KDM1A: variants seen among roughly 807,000 people sequenced by gnomAD.
KDM1A encodes the protein lysine-specific histone demethylase 1A.
A neutral mutation model predicts 109.4 loss-of-function variants in KDM1A; 49 were observed. That is an observed-to-expected ratio of 0.45 (90% CI 0.36 to 0.57). The LOEUF (loss-of-function observed/expected upper bound fraction) is 0.57. KDM1A is among the 20% of genes least tolerant of loss of function. The probability of loss-of-function intolerance (pLI) is 0.00; values close to 1 mark genes in which losing one functional copy is unlikely to be tolerated. For synonymous variants in KDM1A, 380 were observed against 415.4 expected (o/e 0.91, Z 1.04); for missense variants, 668 against 1,116.6 (o/e 0.60, Z 5.73).
At position 23,020,033 on chromosome 1, in the gene KDM1A, C is replaced by A. The variant is rs551053859; in HGVS notation, c.351+86C>A. 1.0e-4 allele frequency: 136 copies of A among 1,345,674 alleles called. 1 individual carries two copies. The South Asian group carries it at 2.1e-3, about 21-fold the overall frequency. 83.4% of individuals were successfully genotyped at this position (1,345,674 alleles called of 1,614,324 possible). On this transcript the variant is annotated intron_variant, in intron 1 of 20. Transcript: ENST00000400181. The stretch of plus-strand genomic sequence containing the variant: ...CCGCCCTCCCCCGCCGCCGCCGGGT[C>A]TTGGGCCCTGCGACCACTCAGACCT...
chr1:23,057,780 A>T, intron 8 of KDM1A: 1 of 280,888 alleles, frequency 3.6e-6, no homozygotes, highest in East Asian at 7.3e-5. Flanking sequence ...GAAGATAAGT[A>T]GATAATGTTG....
At position 23,042,447 on chromosome 1, in the gene KDM1A, T is replaced by A. The variant is rs1382895471; in HGVS notation, c.518-1980T>A. Among the ~76,000 whole-genome samples the A allele has an allele frequency of 7.9e-4, 78 of 99,248 alleles. 2 individuals are homozygous for A. The highest frequency in any genetic ancestry group is 1.1e-3 in the South Asian group (3 of 2,636). The allele number at this position is 99,248 out of a possible 152,430, so 65.1% of individuals were successfully genotyped here. ...AAATCTATGAAATATATTATTTTTT[T>A]TTTTTTTTTTTTTTTTTTTTTTTGA... On this transcript the variant is annotated intron_variant, in intron 2 of 20. Transcript: ENST00000400181.
chr1:23,035,156 T>C (rs1390340164), intron 2 of KDM1A, among the ~76,000 whole-genome samples: 1 of 152,218 alleles, frequency 6.6e-6, no homozygotes, highest in East Asian at 1.9e-4. Context: ...ATGTGGTAAT[T>C]TTAAAAGTTT....
intron 1 of KDM1A, among the ~76,000 whole-genome samples, chr1:23,026,544 C>A (rs1641811162): frequency 6.6e-6 from 1 of 151,826 alleles, no homozygotes. Context: ...ATGTGCACCA[C>A]CACCCACAGC....
In KDM1A at chr1:23,019,495, C is replaced by G. The variant is rs993281831; in HGVS notation, c.-102C>G. 2 of 1,293,218 alleles carry G rather than the reference C, an allele frequency of 1.5e-6. No homozygotes were observed. The highest frequency in any genetic ancestry group is 3.1e-5 in the African/African-American group (2 of 65,510). The allele number at this position is 1,293,218 out of a possible 1,614,324, so 80.1% of individuals were successfully genotyped here. ...CGCGTGCGTACGCGACGGCGGTTGGCGGCGCGCGGGCAGCGTGAAGCGAGG... is the reference window on the plus strand; with the variant it reads ...CGCGTGCGTACGCGACGGCGGTTGGGGGCGCGCGGGCAGCGTGAAGCGAGG... On this transcript the variant is annotated 5_prime_UTR_variant, in exon 1 of 21. Transcript: ENST00000400181.
intron 1 of KDM1A, among the ~76,000 whole-genome samples, chr1:23,026,394 G>GTTTTT (rs754619806): frequency 1.6e-5 from 1 of 61,528 alleles, no homozygotes; most frequent in African/African-American, 4.3e-5. Context: ...TTGTCTGTTT[G>GTTTTT]TTTTTTTTTT....
rs140786364 is a variant in KDM1A at position 23,073,731 on chromosome 1, A to G, written c.1734+328A>G. Among the ~76,000 whole-genome samples the G allele has an allele frequency of 2.7e-3, 407 of 152,354 alleles. 4 individuals carry two copies. The highest frequency in any genetic ancestry group is 9.1e-3 in the African/African-American group (377 of 41,582). On this transcript the variant is annotated intron_variant, in intron 15 of 20. Coordinates refer to ENST00000400181, the MANE Select transcript of KDM1A (RefSeq NM_001009999.3). Reference sequence around the variant, plus strand: ...AATTTTGTTTATTCTACAGTTTCATATAAAGTGAATCATACAGTACATAGC... The same window carrying G: ...AATTTTGTTTATTCTACAGTTTCATGTAAAGTGAATCATACAGTACATAGC...
At chr1:23,081,896 C>A in intron 19 of KDM1A, 1 of 416,494 alleles carries the variant, frequency 2.4e-6, no homozygotes, top group Non-Finnish European at 4.3e-6. Context: ...GGTACTTTTT[C>A]GTGTTCTTTG....
intron 3 of KDM1A, 79 bp from the exon 4 acceptor site, chr1:23,050,308 C>T: frequency 6.9e-7 from 1 of 1,439,342 alleles, no homozygotes; most frequent in Non-Finnish European, 9.2e-7. Flanking sequence ...GTGAGTGAGG[C>T]AAAGGAATTT....
At chr1:23,050,750 G>A (rs1642645020) in intron 4 of KDM1A, among the ~76,000 whole-genome samples, 1 of 151,468 alleles carries the variant, frequency 6.6e-6, no homozygotes, top group South Asian at 2.1e-4. Flanking sequence ...CATTCTTTTG[G>A]ATCCCTTTTA....
intron 9 of KDM1A, among the ~76,000 whole-genome samples, chr1:23,065,184 A>G (rs1643128078): frequency 6.6e-6 from 1 of 152,178 alleles, no homozygotes; most frequent in Non-Finnish European, 1.5e-5. Context: ...TTTCAATTCC[A>G]TTTTGTTGTT....
intron 1 of KDM1A, among the ~76,000 whole-genome samples, chr1:23,028,475 A>G (rs569640611): frequency 3.8e-4 from 58 of 152,372 alleles, no homozygotes; most frequent in Non-Finnish European, 7.3e-4. Context: ...GAACTACAAT[A>G]GAAAAGATTT....
At chr1:23,029,670 C>T (rs1641917371) in intron 1 of KDM1A, among the ~76,000 whole-genome samples, 1 of 152,058 alleles carries the variant, frequency 6.6e-6, no homozygotes, top group East Asian at 1.9e-4. Context: ...GATGGAGTCT[C>T]ACTCTGTTGC....
Position 23,019,659 on chromosome 1 carries a change from G to A in KDM1A, c.63G>A (p.Thr21=), listed in dbSNP as rs1284520374. 3 of 1,403,440 alleles carry A rather than the reference G, an allele frequency of 2.1e-6. No homozygotes were observed. The East Asian group carries it at 9.0e-5, about 42-fold the overall frequency. The allele number at this position is 1,403,440 out of a possible 1,614,324, so 86.9% of individuals were successfully genotyped here. A position where few individuals can be genotyped will look rare whatever the true frequency, so the allele number is the denominator to read the frequency against. Residue 21 remains threonine (T), a synonymous_variant, in exon 1 of 21, where the codon ACG becomes ACA. Transcript: ENST00000400181. ...AAAAAAAATG[T]EAGPGTAGGS... is the part of the protein sequence containing the mutation. Reference sequence around the variant, plus strand: ...CGGCTGCAGCGGCAGCAACCGGGACGGAGGCTGGCCCTGGGACAGCAGGCG... The same window carrying A: ...CGGCTGCAGCGGCAGCAACCGGGACAGAGGCTGGCCCTGGGACAGCAGGCG...
chr1:23,022,228 T>C (rs776112900), intron 1 of KDM1A, among the ~76,000 whole-genome samples: 1 of 152,232 alleles, frequency 6.6e-6, no homozygotes, highest in Non-Finnish European at 1.5e-5. Flanking sequence ...GTTTTACTTT[T>C]GAGGTATAGC....
intron 1 of KDM1A, among the ~76,000 whole-genome samples, chr1:23,026,316 A>T (rs2124351030): frequency 6.6e-6 from 1 of 151,692 alleles, no homozygotes; most frequent in Admixed American, 6.6e-5. Context: ...GGTACATGAG[A>T]TGTTATGATA....
At chr1:23,028,363 C>T (rs958763833) in intron 1 of KDM1A, among the ~76,000 whole-genome samples, 1 of 152,140 alleles carries the variant, frequency 6.6e-6, no homozygotes, top group African/African-American at 2.4e-5. Context: ...TATGACTTTC[C>T]TAGAGGGGGC....
At position 23,019,852 on chromosome 1, in the gene KDM1A, G is replaced by A. The variant is rs773542591; in HGVS notation, c.256G>A (p.Gly86Ser). Residue 86 changes from glycine (G) to serine (S), a missense_variant, in exon 1 of 21, where the codon GGC (glycine) becomes AGC (serine). By Grantham distance (56) the Gly-to-Ser change is moderately conservative. This residue lies in a region of KDM1A where 156 missense variants were observed against 163.4 expected (regional missense o/e 0.95). Transcript: ENST00000400181. ...GCCGGGGTCCGCAGGGCCTCAGGCC[G>A]GCCCTACTGTCGTGCCTGGGTCTGC... ...EPPGSAGPQA[G>S]PTVVPGSATP... is the part of the protein sequence containing the mutation. 4.5e-5 allele frequency: 67 copies of A among 1,500,878 alleles called. No homozygotes were observed. The highest frequency in any genetic ancestry group is 5.9e-5 in the Non-Finnish European group (67 of 1,128,442). 93.0% of individuals were successfully genotyped at this position (1,500,878 alleles called of 1,614,324 possible).
intron 2 of KDM1A, among the ~76,000 whole-genome samples, chr1:23,041,208 A>G (rs1355093710): frequency 2.0e-5 from 3 of 152,188 alleles, no homozygotes; most frequent in African/African-American, 7.2e-5. Flanking sequence ...TTGTCTTTGG[A>G]GAAGTAGGCA....
Sources: gnomAD v4.1 joint callset for allele counts (sites outside exome capture counted in the v4.1 genomes callset) on GRCh38, gnomAD v4.1.1 for gene constraint, gnomAD v4.1.1 regional missense constraint, MANE v1.5 for transcripts, NCBI Gene and HGNC (gene_info 2026-07-23, HGNC 2026-07-21) for gene names.